The following ZNF536 variants were observed in gnomAD, a reference collection of about 807,000 sequenced individuals.
ZNF536 encodes zinc finger protein 536.
ZNF536 carries 13 observed loss-of-function variants against 84.5 expected under a neutral mutation model. That is an observed-to-expected ratio of 0.15 (90% confidence interval 0.10 to 0.24). The LOEUF (loss-of-function observed/expected upper bound fraction) is 0.24. Among genes scored for constraint, ZNF536 ranks in the 10% least tolerant of loss-of-function variants. The pLI is 1.00. For missense variants in ZNF536, 1,536 were observed against 1,747.5 expected (o/e 0.88, Z 2.16); for synonymous variants, 811 against 742.5 (o/e 1.09, Z -1.50).
intron 1 of ZNF536, among the ~76,000 whole-genome samples, chr19:30,432,016 C>CACAA (rs1341152898): frequency 8.6e-6 from 1 of 116,596 alleles, no homozygotes; most frequent in African/African-American, 3.9e-5. Context: ...TACACACACA[C>CACAA]ATACACACAC....
intron 2 of ZNF536, among the ~76,000 whole-genome samples, chr19:30,349,423 G>A (rs190250065): frequency 1.3e-5 from 2 of 152,290 alleles, no homozygotes; most frequent in African/African-American, 2.4e-5. Context: ...TTATACTGGA[G>A]TTAACTTCCA....
intron 1 of ZNF536, among the ~76,000 whole-genome samples, chr19:30,569,602 G>C (rs1170033359): frequency 1.1e-5 from 1 of 93,996 alleles, no homozygotes; most frequent in African/African-American, 4.2e-5. Context: ...GACAGAGTTT[G>C]CTCTGTCACC....
At chr19:30,654,080 A>T (rs2147487262) in intron 1 of ZNF536, among the ~76,000 whole-genome samples, 1 of 152,220 alleles carries the variant, frequency 6.6e-6, no homozygotes, top group East Asian at 1.9e-4. Flanking sequence ...CAGCTAATTA[A>T]AGGTCTTGAG....
rs1238588550 is a variant in ZNF536, at chr19:30,564,297, T to TA, written c.169+14791dup. The stretch of plus-strand genomic sequence containing the variant: ...CCAGACTGGGCAACAGAGCAAGATC[T>TA]AAAAAAAAGAAAAAAGGAAAGGAGA... On this transcript the variant is annotated intron_variant, in intron 1 of 1. Coordinates refer to the ZNF536 transcript ENST00000592773. Among the ~76,000 whole-genome samples, 24 of 149,422 alleles carry TA rather than the reference T, an allele frequency of 1.6e-4. No individual in the cohort carries two copies. The South Asian group carries it at 3.8e-3, about 24-fold the overall frequency.
At chr19:30,622,419 C>T (rs2048514694) in intron 1 of ZNF536, among the ~76,000 whole-genome samples, 1 of 152,228 alleles carries the variant, frequency 6.6e-6, no homozygotes, top group Admixed American at 6.5e-5. Flanking sequence ...CCCCCAGGGG[C>T]ATGTTTGGCT....
intron 1 of ZNF536, among the ~76,000 whole-genome samples, chr19:30,655,175 T>G (rs2049861410): frequency 6.6e-6 from 1 of 152,236 alleles, no homozygotes; most frequent in Non-Finnish European, 1.5e-5. Context: ...TTAAAATTTC[T>G]ACATGTTCTC....
intron 1 of ZNF536, among the ~76,000 whole-genome samples, chr19:30,700,252 C>CTCTCTT (rs2051877784): frequency 3.8e-5 from 4 of 105,138 alleles, no homozygotes; most frequent in African/African-American, 1.3e-4. Flanking sequence ...CTCTCTCTCT[C>CTCTCTT]TCTTTCTTTC....
chr19:30,533,331 G>A (rs554309906), intron 2 of ZNF536, among the ~76,000 whole-genome samples: 1 of 152,174 alleles, frequency 6.6e-6, no homozygotes, highest in South Asian at 2.1e-4. Context: ...GACCAGCCTG[G>A]GCAAGATAGC....
intron 2 of ZNF536, among the ~76,000 whole-genome samples, chr19:30,292,290 T>A (rs977512490): frequency 1.3e-5 from 2 of 152,004 alleles, no homozygotes; most frequent in African/African-American, 4.8e-5. Context: ...ATGAACAAAA[T>A]CATTTGAAGA....
At chr19:30,357,511 C>T (rs1016452554) in intron 3 of ZNF536, among the ~76,000 whole-genome samples, 16 of 151,936 alleles carry the variant, frequency 1.1e-4, no homozygotes, top group African/African-American at 3.1e-4. Context: ...TTTTCGGGTG[C>T]GGAGATGCTC....
At chr19:30,671,362 C>G (rs553365076) in intron 1 of ZNF536, among the ~76,000 whole-genome samples, 49 of 152,314 alleles carry the variant, frequency 3.2e-4, no homozygotes, top group African/African-American at 1.1e-3. Flanking sequence ...GTTGGCCCAG[C>G]CGGGGAGCTG....
chr19:30,534,850 T>C lies in ZNF536; in HGVS notation c.2174T>C (p.Ile725Thr), dbSNP rs2145931336. ...GAACGTTTCTCCTTCGCTGCAGACA[T>C]TGGCGAGGAGGCTGGGAGATCTGCC... ...PHPSSPSSSDIGEEAGRSAGV... is the reference protein window; with the variant it reads ...PHPSSPSSSDTGEEAGRSAGV... Residue 725 changes from isoleucine to threonine, a missense_variant, in exon 3 of 5, where the codon ATT becomes ACT. By Grantham distance (89) the Ile-to-Thr change is moderately conservative. Coordinates refer to ENST00000355537, the MANE Select transcript of ZNF536 (RefSeq NM_014717.3). 1 of 1,610,996 alleles carries C rather than the reference T, an allele frequency of 6.2e-7. No homozygotes were observed. The highest frequency in any genetic ancestry group is 8.5e-7 in the Non-Finnish European group (1 of 1,178,098).
At chr19:30,299,291 A>T (rs1276407064) in intron 2 of ZNF536, among the ~76,000 whole-genome samples, 1 of 152,202 alleles carries the variant, frequency 6.6e-6, no homozygotes, top group Non-Finnish European at 1.5e-5. Context: ...GGGATTTTTC[A>T]TCTGTTGATT....
chr19:30,709,487 G>A (rs1394987756), intron 1 of ZNF536, among the ~76,000 whole-genome samples: 1 of 152,148 alleles, frequency 6.6e-6, no homozygotes, highest in Non-Finnish European at 1.5e-5. Context: ...TCAACGGGAG[G>A]ATCAGAACAT....
intron 1 of ZNF536, among the ~76,000 whole-genome samples, chr19:30,576,779 T>C (rs1335924707): frequency 1.3e-5 from 2 of 152,192 alleles, no homozygotes; most frequent in Non-Finnish European, 2.9e-5. Flanking sequence ...GGCTTTCTTG[T>C]CCTGGGCAAT....
chr19:30,516,248 A>G (rs1397000297), intron 2 of ZNF536, among the ~76,000 whole-genome samples: 1 of 152,166 alleles, frequency 6.6e-6, no homozygotes, highest in African/African-American at 2.4e-5. Context: ...AACATCAGCC[A>G]GGAAGGACCC....
downstream of ZNF536, among the ~76,000 whole-genome samples, chr19:30,560,591 C>G (rs963270239): frequency 1.3e-5 from 2 of 152,162 alleles, no homozygotes; most frequent in African/African-American, 4.8e-5. Context: ...CACCCCCCCG[C>G]CCCATTGTAT....
chr19:30,535,313 T>C lies in ZNF536; in HGVS notation c.2323+314T>C, dbSNP rs541489257. Among the ~76,000 whole-genome samples the C allele has an allele frequency of 2.6e-5, 4 of 151,916 alleles. No individual in the cohort carries two copies. In the South Asian group the frequency reaches 8.3e-4, roughly 32 times the overall value. On this transcript the variant is annotated intron_variant, in intron 3 of 4. Transcript: ENST00000355537. The stretch of plus-strand genomic sequence containing the variant: ...GTTTCCTTCTGCTGTATTGAAGGAG[T>C]CCCTCCCCAGGCGCCTGTATGAACC...
intron 1 of ZNF536, among the ~76,000 whole-genome samples, chr19:30,664,783 G>A (rs1253264319): frequency 1.9e-4 from 29 of 152,262 alleles, no homozygotes. Context: ...ATCAAAGAGC[G>A]CTTTCTGCTA....
Sources: gnomAD v4.1 joint callset for allele counts (sites outside exome capture counted in the v4.1 genomes callset) on GRCh38, gnomAD v4.1.1 for gene constraint, MANE v1.5 for transcripts, NCBI Gene and HGNC (gene_info 2026-07-23, HGNC 2026-07-21) for gene names.